Variants in CDC42BPA observed in about 807,000 individuals in gnomAD.
CDC42BPA encodes serine/threonine-protein kinase MRCK alpha.
A neutral mutation model predicts 223.5 loss-of-function variants in CDC42BPA; 80 were observed. That is an observed-to-expected ratio of 0.36 (90% CI 0.30 to 0.43). The LOEUF (loss-of-function observed/expected upper bound fraction) is 0.43. Ranked by LOEUF, CDC42BPA falls within the 20% of genes least tolerant of loss-of-function variation. The probability of loss-of-function intolerance (pLI) is 1.00; values close to 1 mark genes in which losing one functional copy is unlikely to be tolerated. For missense variants in CDC42BPA, 1,743 were observed against 2,099.9 expected, an observed-to-expected ratio of 0.83 and a Z score of 3.32; for synonymous variants, 694 against 718.6, an observed-to-expected ratio of 0.97 and a Z score of 0.55.
intron 1 of CDC42BPA, among the ~76,000 whole-genome samples, chr1:227,306,585 A>C (rs143935829): frequency 1.2e-3 from 181 of 152,340 alleles, no homozygotes; most frequent in African/African-American, 4.2e-3. Flanking sequence ...TAGACCTGAA[A>C]ATATTATTGT....
At chr1:227,206,521 C>G (rs1399653633) in intron 3 of CDC42BPA, among the ~76,000 whole-genome samples, 4 of 152,054 alleles carry the variant, frequency 2.6e-5, no homozygotes, top group Non-Finnish European at 4.4e-5. Context: ...AAAGCATCAA[C>G]AATACACAAA....
chr1:227,136,577 C>T (rs1452162855), intron 10 of CDC42BPA, among the ~76,000 whole-genome samples: 2 of 152,100 alleles, frequency 1.3e-5, no homozygotes, highest in Admixed American at 1.3e-4. Context: ...ATAAAGAAAG[C>T]GACACGTACG....
intron 16 of CDC42BPA, among the ~76,000 whole-genome samples, chr1:227,089,083 C>T (rs1038780761): frequency 1.3e-5 from 2 of 152,146 alleles, no homozygotes; most frequent in Admixed American, 1.3e-4. Flanking sequence ...AAAATGTCAT[C>T]TAATTTTTAA....
chr1:227,054,191 G>A (rs1246905864), intron 21 of CDC42BPA, among the ~76,000 whole-genome samples: 2 of 152,194 alleles, frequency 1.3e-5, no homozygotes, highest in Non-Finnish European at 2.9e-5. Context: ...AAGTTCCTGT[G>A]TGAAAGGTAA....
chr1:227,164,616 T>C (rs1161583376), intron 5 of CDC42BPA, among the ~76,000 whole-genome samples: 10 of 152,218 alleles, frequency 6.6e-5, no homozygotes, highest in Non-Finnish European at 4.4e-5. Flanking sequence ...TTGTGAGCCA[T>C]GATCATGCCA....
At chr1:227,027,241 A>G (rs941729240) in intron 30 of CDC42BPA, among the ~76,000 whole-genome samples, 3 of 152,206 alleles carry the variant, frequency 2.0e-5, no homozygotes, top group Non-Finnish European at 4.4e-5. Flanking sequence ...GGGGAAAAAA[A>G]AGTCTGGATG....
At chr1:227,074,145 T>G in intron 18 of CDC42BPA, 114 bp downstream of exon 18, 1 of 1,342,278 alleles carries the variant, frequency 7.5e-7, no homozygotes, top group Non-Finnish European at 1.0e-6. Flanking sequence ...AAAAAACTCT[T>G]TAGTAGGCTC....
chr1:226,994,027 T>C lies in CDC42BPA; in HGVS notation c.*241A>G. On this transcript the variant is annotated 3_prime_UTR_variant, in exon 37 of 37. Coordinates refer to ENST00000366766, the MANE Select transcript of CDC42BPA (RefSeq NM_001394014.1). This position sits in a 1 kb window ranked among gnomAD's most constrained non-coding sequence, Gnocchi z 4.0. ...AAATGTTACTGAAAGCAACTCTAAG[T>C]GCATGGAATGAAATCAACGTTAATC... The C allele has an allele frequency of 2.1e-6, 1 of 469,616 alleles. No homozygotes were observed. The highest frequency in any genetic ancestry group is 2.6e-5 in the South Asian group (1 of 37,842). The allele number at this position is 469,616 out of a possible 1,614,324, so 29.1% of individuals were successfully genotyped here.
intron 26 of CDC42BPA, 135 bp downstream of exon 26, chr1:227,034,520 A>G (rs1669887396): frequency 1.3e-6 from 1 of 784,700 alleles, no homozygotes; most frequent in African/African-American, 1.8e-5. Context: ...TTCTGTTTCT[A>G]TAGCAATATT....
chr1:227,263,011 TC>T (rs1684353689), intron 1 of CDC42BPA, among the ~76,000 whole-genome samples: 1 of 152,128 alleles, frequency 6.6e-6, no homozygotes, highest in Admixed American at 6.5e-5. Flanking sequence ...GGTGGGCAGA[TC>T]ACTTGAGGTC....
At chr1:227,260,683 G>C (rs377639736) in intron 1 of CDC42BPA, among the ~76,000 whole-genome samples, 2 of 151,156 alleles carry the variant, frequency 1.3e-5, no homozygotes, top group South Asian at 4.1e-4. Context: ...GAGTGCTGGA[G>C]CAAGAAATTT....
chr1:227,106,977 T>C (rs917287594), intron 14 of CDC42BPA, among the ~76,000 whole-genome samples: 5 of 152,340 alleles, frequency 3.3e-5, no homozygotes, highest in Admixed American at 2.0e-4. Flanking sequence ...TTGTAGTAAG[T>C]TCTGAAGTAT....
intron 15 of CDC42BPA, among the ~76,000 whole-genome samples, chr1:227,095,756 T>C (rs1683875091): frequency 6.6e-6 from 1 of 152,120 alleles, no homozygotes; most frequent in Non-Finnish European, 1.5e-5. Context: ...TGTGTCTGGC[T>C]AATTTTTGTA....
chr1:227,080,657 T>C (rs1046658872), intron 17 of CDC42BPA, among the ~76,000 whole-genome samples: 2 of 152,170 alleles, frequency 1.3e-5, no homozygotes, highest in Admixed American at 6.5e-5. Context: ...CAGATTTCAA[T>C]GAAGCTGTGT....
At chr1:227,187,958 A>G (rs907448482) in intron 5 of CDC42BPA, among the ~76,000 whole-genome samples, 1 of 152,042 alleles carries the variant, frequency 6.6e-6, no homozygotes, top group African/African-American at 2.4e-5. Flanking sequence ...TTCTCAGACA[A>G]ACAAAAACTG....
chr1:226,995,032 C>A, intron 35 of CDC42BPA, 52 bp from the exon 36 acceptor site: 2 of 1,525,198 alleles, frequency 1.3e-6, no homozygotes, highest in Admixed American at 1.8e-5. Flanking sequence ...GGACAATACT[C>A]TAGAAAGCAC....
intron 5 of CDC42BPA, among the ~76,000 whole-genome samples, chr1:227,169,313 T>C (rs964454940): frequency 6.6e-6 from 1 of 152,222 alleles, no homozygotes; most frequent in Non-Finnish European, 1.5e-5. Flanking sequence ...TTTTTCTTTA[T>C]ACATTGGGTA....
At position 226,993,550 on chromosome 1, in the gene CDC42BPA, C is replaced by A. The variant is rs1661008975; in HGVS notation, c.*718G>T. ...AGGGCAATAAAGGGAACTCTGATTT[C>A]TCTCGCTCTCTCTCTACAAATGTGA... On this transcript the variant is annotated 3_prime_UTR_variant, in exon 37 of 37. Coordinates refer to ENST00000366766, the MANE Select transcript of CDC42BPA (RefSeq NM_001394014.1). 6.6e-6 allele frequency: 1 copy of A among 152,636 alleles called. No individual in the cohort carries two copies. Among genetic ancestry groups the A allele is most frequent in the South Asian group, 2.1e-4 (1 of 4,830 alleles). The allele number at this position is 152,636 out of a possible 1,614,324, so 9.5% of individuals were successfully genotyped here. A position where few individuals can be genotyped will look rare whatever the true frequency, so the allele number is the denominator to read the frequency against.
chr1:227,139,822 T>C, intron 9 of CDC42BPA, 80 bp from the exon 10 acceptor site: 1 of 846,842 alleles, frequency 1.2e-6, no homozygotes, highest in Middle Eastern at 2.4e-4. Context: ...TTAAAAATTG[T>C]TTTTAACTGA....
Sources: allele counts gnomAD v4.1 joint callset (sites outside exome capture counted in the v4.1 genomes callset), GRCh38; gene constraint gnomAD v4.1.1; non-coding constraint Gnocchi (gnomAD v3.1); transcripts MANE v1.5; gene names NCBI Gene and HGNC (gene_info 2026-07-23, HGNC 2026-07-21).